Variants in SCAF11 observed in about 807,000 individuals in gnomAD.
SCAF11 encodes the protein SR-related CTD associated factor 11, also known as protein SCAF11.
In SCAF11, 47 loss-of-function variants were observed where a neutral mutation model predicts 140.5. The ratio of observed to expected loss-of-function variants is 0.33; its 90% CI spans 0.26 to 0.43. SCAF11 has a LOEUF of 0.43. Among genes scored for constraint, SCAF11 ranks in the 20% least tolerant of loss-of-function variants. The probability of loss-of-function intolerance (pLI) is 1.00; values close to 1 mark genes in which losing one functional copy is unlikely to be tolerated. For missense variants in SCAF11, 1,645 were observed against 1,705.1 expected (o/e 0.96, Z 0.62); for synonymous variants, 557 against 579.4 (o/e 0.96, Z 0.55).
rs753078309 is a variant in SCAF11 at position 45,927,362 on chromosome 12, G to C, written c.2339C>G (p.Thr780Ser). ...ACGAGGCTTTTTGGTTTTATCTATGGTATCTTTTGGGCTTTCAGATGGTTG... is the reference window on the plus strand; with the variant it reads ...ACGAGGCTTTTTGGTTTTATCTATGCTATCTTTTGGGCTTTCAGATGGTTG... Reference protein sequence around the residue: ...VSQPSESPKDTIDKTKKPRTR... With the variant: ...VSQPSESPKDSIDKTKKPRTR... Residue 780 changes from threonine to serine, a missense_variant, in exon 11 of 15, where the codon ACC (threonine) becomes AGC (serine). By Grantham distance (58) the Thr-to-Ser change is moderately conservative. Transcript: ENST00000369367. 6.2e-7 allele frequency: 1 copy of C among 1,613,900 alleles called. No individual in the cohort carries two copies. Among genetic ancestry groups the C allele is most frequent in the African/African-American group, 1.3e-5 (1 of 74,886 alleles).
At chr12:45,936,284 G>A (rs1420473383) in intron 6 of SCAF11, among the ~76,000 whole-genome samples, 1 of 151,954 alleles carries the variant, frequency 6.6e-6, no homozygotes, top group African/African-American at 2.4e-5. Flanking sequence ...TGGGACTACA[G>A]GCGCACACCA....
At chr12:45,983,384 T>C (rs1045429469) in intron 1 of SCAF11, among the ~76,000 whole-genome samples, 3 of 152,186 alleles carry the variant, frequency 2.0e-5, no homozygotes, top group Admixed American at 6.5e-5. Context: ...AGTTCAGAAC[T>C]ATGGGTAGAG....
intron 1 of SCAF11, 78 bp from the exon 2 acceptor site, chr12:45,964,266 T>A: frequency 1.4e-6 from 1 of 714,790 alleles, no homozygotes; most frequent in Non-Finnish European, 2.3e-6. Flanking sequence ...TCCTAAACTG[T>A]AAGAAATTAT....
At chr12:45,946,986 C>T (rs963583957) in intron 5 of SCAF11, among the ~76,000 whole-genome samples, 1 of 152,028 alleles carries the variant, frequency 6.6e-6, no homozygotes, top group Non-Finnish European at 1.5e-5. Flanking sequence ...TAAAGAATGC[C>T]ATAACTACCC....
chr12:45,960,165 A>G (rs1818307424), intron 3 of SCAF11, among the ~76,000 whole-genome samples: 1 of 152,178 alleles, frequency 6.6e-6, no homozygotes, highest in Non-Finnish European at 1.5e-5. Flanking sequence ...TACATACCCT[A>G]GAGAAACCTG....
rs766212242 is a variant in SCAF11 at position 45,931,608 on chromosome 12, C to T, written c.739G>A (p.Gly247Ser). ...PDTLPGIGRI[G>S]FIPWNVETEV... ...GTTTCAACATTCCAGGGTATAAAAC[C>T]AATTCTGAAAACATAATAAAGACAT... The change falls in exon 10 of 15, where the codon GGT (glycine) becomes AGT (serine). Residue 247 changes from glycine (G) to serine (S), a missense_variant. Around this residue, in one of 2 missense-constraint regions of SCAF11, gnomAD observed 1,582 missense variants for 1,609.2 expected, o/e 0.98. Coordinates refer to ENST00000369367, the MANE Select transcript of SCAF11 (RefSeq NM_004719.3). The T allele has an allele frequency of 2.7e-6, 4 of 1,484,200 alleles. No individual in the cohort carries two copies. The South Asian group carries it at 5.7e-5, about 21-fold the overall frequency. The allele number at this position is 1,484,200 out of a possible 1,614,324, so 91.9% of individuals were successfully genotyped here.
chr12:45,973,007 T>TATATAGATATATAGATATATAG (rs1565689458), intron 1 of SCAF11, among the ~76,000 whole-genome samples: 30 of 137,970 alleles, frequency 2.2e-4, no homozygotes, highest in African/African-American at 7.4e-4. Flanking sequence ...TATAGATATA[T>TATATAGATATATAGATATATAG]ATATAGATAT....
chr12:45,980,793 C>T (rs1426141455), intron 1 of SCAF11, among the ~76,000 whole-genome samples: 4 of 152,100 alleles, frequency 2.6e-5, no homozygotes, highest in African/African-American at 9.7e-5. Flanking sequence ...CCTTTTAGTG[C>T]AAAGAACCTG....
chr12:45,928,857 T>G lies in SCAF11; in HGVS notation c.844A>C (p.Thr282Pro). 2.1e-6 allele frequency: 3 copies of G among 1,439,678 alleles called. No individual in the cohort carries two copies. Among genetic ancestry groups the G allele is most frequent in the Non-Finnish European group, 2.8e-6 (3 of 1,090,374 alleles). 89.2% of individuals were successfully genotyped at this position (1,439,678 alleles called of 1,614,324 possible). Residue 282 changes from threonine (T) to proline (P), a missense_variant and splice_region_variant, in exon 11 of 15, where the codon ACT becomes CCT. This residue lies in a region of SCAF11 where 1,582 missense variants were observed against 1,609.2 expected (regional missense o/e 0.98). Transcript: ENST00000369367. Reference protein sequence around the residue: ...TSTISFEHFGTSCKGYALAHT... With the variant: ...TSTISFEHFGPSCKGYALAHT... ...GCTAATGCATATCCCTTGCAAGAAG[T>G]ACCTAATAATATTTAAAAAAAAAAA...
intron 6 of SCAF11, among the ~76,000 whole-genome samples, chr12:45,935,864 T>C (rs1454080363): frequency 6.6e-6 from 1 of 152,196 alleles, no homozygotes; most frequent in Non-Finnish European, 1.5e-5. Flanking sequence ...ACTGGTGAAT[T>C]TGTCTAAATT....
intron 6 of SCAF11, 70 bp from the exon 7 acceptor site, chr12:45,934,575 C>T (rs756537439): frequency 3.0e-5 from 30 of 985,128 alleles, no homozygotes; most frequent in African/African-American, 5.0e-5. Flanking sequence ...AAACCAGCAT[C>T]GATACCAGCA....
At chr12:45,952,168 A>G (rs1205771878) in intron 3 of SCAF11, among the ~76,000 whole-genome samples, 1 of 152,166 alleles carries the variant, frequency 6.6e-6, no homozygotes, top group Non-Finnish European at 1.5e-5. Context: ...CAGCAATAAA[A>G]ACATTTGAAA....
intron 1 of SCAF11, among the ~76,000 whole-genome samples, chr12:45,970,541 G>A (rs1946049094): frequency 6.6e-6 from 1 of 152,252 alleles, no homozygotes; most frequent in African/African-American, 2.4e-5. Flanking sequence ...CAGTCTCTAT[G>A]TTGGGCACAC....
intron 1 of SCAF11, among the ~76,000 whole-genome samples, chr12:45,985,163 T>C (rs867063998): frequency 6.6e-6 from 1 of 152,342 alleles, no homozygotes; most frequent in Middle Eastern, 3.4e-3. Flanking sequence ...TAGAAAACCA[T>C]GAATTGGTAC....
chr12:45,924,367 C>T (rs564770680), intron 12 of SCAF11, among the ~76,000 whole-genome samples: 55 of 152,244 alleles, frequency 3.6e-4, no homozygotes, highest in African/African-American at 1.3e-3. Context: ...CTAGTTCCCA[C>T]CGTCCCCATA....
rs1462181309 is a variant in SCAF11 at position 45,926,294 on chromosome 12, G to T, written c.3407C>A (p.Pro1136Gln). 9.3e-6 allele frequency: 15 copies of T among 1,613,968 alleles called. No individual in the cohort carries two copies. Among genetic ancestry groups the T allele is most frequent in the Non-Finnish European group, 1.1e-5 (13 of 1,180,012 alleles). Residue 1136 changes from proline to glutamine, a missense_variant, in exon 11 of 15, where the codon CCA becomes CAA. Physicochemically the swap from Pro to Gln is moderately conservative, Grantham distance 76 (BLOSUM62 -1). Coordinates refer to ENST00000369367, the MANE Select transcript of SCAF11 (RefSeq NM_004719.3). ...KSEQEFSFDT[P>Q]ADRSGWTSAS... ...AGATGTCCATCCAGATCTATCTGCT[G>T]GTGTATCAAATGAGAACTCCTGTTC...
chr12:45,972,816 T>C (rs1488753667), intron 1 of SCAF11, among the ~76,000 whole-genome samples: 2 of 138,720 alleles, frequency 1.4e-5, no homozygotes, highest in Admixed American at 7.4e-5. Context: ...CTAAAATGAA[T>C]TACCTAACAA....
In SCAF11 at chr12:45,921,041, G is replaced by A. The variant is rs895726131; in HGVS notation, c.*1007C>T. On this transcript the variant is annotated 3_prime_UTR_variant, in exon 15 of 15. Coordinates refer to ENST00000369367, the MANE Select transcript of SCAF11 (RefSeq NM_004719.3). Reference sequence around the variant, plus strand: ...CCTGTTGCCCAGGCTGGAGTGCAATGGCATGGTCTCGGCTCACTGCAATCC... The same window carrying A: ...CCTGTTGCCCAGGCTGGAGTGCAATAGCATGGTCTCGGCTCACTGCAATCC... The A allele has an allele frequency of 1.3e-5, 2 of 151,770 alleles. No homozygotes were observed. The highest frequency in any genetic ancestry group is 4.8e-5 in the African/African-American group (2 of 41,258). 9.4% of individuals were successfully genotyped at this position (151,770 alleles called of 1,614,324 possible).
Position 45,923,088 on chromosome 12 carries a change from C to T in SCAF11, c.3973G>A (p.Ala1325Thr), listed in dbSNP as rs1944754244. The T allele has an allele frequency of 1.2e-6, 2 of 1,614,134 alleles. No homozygotes were observed. The highest frequency in any genetic ancestry group is 2.2e-5 in the East Asian group (1 of 44,878). The change falls in exon 13 of 15, where the codon GCC (alanine) becomes ACC (threonine). Residue 1325 changes from alanine (A) to threonine (T), a missense_variant. Transcript: ENST00000369367. ...STPVLPAPTA[A>T]PGNTGMVQGP... ...TGAACCATTCCCGTATTTCCTGGGG[C>T]TGCTGTCGGAGCAGGCAAAACTGGT...
Sources: gnomAD v4.1 joint callset for allele counts (sites outside exome capture counted in the v4.1 genomes callset) on GRCh38, gnomAD v4.1.1 for gene constraint, gnomAD v4.1.1 regional missense constraint, MANE v1.5 for transcripts, NCBI Gene and HGNC (gene_info 2026-07-23, HGNC 2026-07-21) for gene names.